Variants in ADAM9 observed in about 807,000 individuals in gnomAD.
ADAM9 encodes the protein disintegrin and metalloproteinase domain-containing protein 9.
Under a neutral mutation model 108.1 loss-of-function variants are expected in ADAM9, and 54 were observed. The observed-to-expected ratio is 0.50, with a 90% CI of 0.40 to 0.63. The LOEUF (loss-of-function observed/expected upper bound fraction) is 0.63, where lower values mean the gene tolerates loss of function less well. Ranked by LOEUF, ADAM9 falls within the 20% of genes least tolerant of loss-of-function variation. ADAM9 has a pLI of 0.00. For synonymous variants in ADAM9, 316 were observed against 336.0 expected, an observed-to-expected ratio of 0.94 and a Z score of 0.65; for missense variants, 830 against 997.7, an observed-to-expected ratio of 0.83 and a Z score of 2.26.
intron 12 of ADAM9, among the ~76,000 whole-genome samples, chr8:39,044,064 C>T (rs1391685599): frequency 6.6e-6 from 1 of 152,106 alleles, no homozygotes; most frequent in Non-Finnish European, 1.5e-5. Flanking sequence ...TGATTGCTTC[C>T]TATGCTGTGT....
At chr8:39,100,614 G>T (rs759327784) in intron 20 of ADAM9, among the ~76,000 whole-genome samples, 2 of 152,092 alleles carry the variant, frequency 1.3e-5, no homozygotes, top group East Asian at 3.9e-4. Context: ...GGAAAGGGAT[G>T]GAGACATTTT....
At position 39,104,210 on chromosome 8, in the gene ADAM9, C is replaced by CT. The variant is rs774830394; in HGVS notation, c.*511dup. 1 of 453,992 alleles carries CT rather than the reference C, an allele frequency of 2.2e-6. No individual in the cohort carries two copies. The allele number at this position is 453,992 out of a possible 1,614,324, so 28.1% of individuals were successfully genotyped here. On this transcript the variant is annotated 3_prime_UTR_variant, in exon 22 of 22. Transcript: ENST00000487273. ...TAATCATCATACTCTAGAATCTTGT[C>CT]TGTCACTCACTACATGAATAAGCAA...
rs1325201709 is a variant in ADAM9, at chr8:39,084,623, TTTA to T, written c.2068+1552_2068+1554del. 2.0e-5 allele frequency among the ~76,000 whole-genome samples: 3 copies of T among 151,888 alleles called. No individual in the cohort carries two copies. The East Asian group carries it at 5.8e-4, about 29-fold the overall frequency. On this transcript the variant is annotated intron_variant, in intron 18 of 21. Transcript: ENST00000487273. The stretch of plus-strand genomic sequence containing the variant: ...ACTTGTCTTGTAGCCCAGAATGTGG[TTTA>T]TCTTAGTAAAAGTTCTGTGTACACT...
intron 1 of ADAM9, among the ~76,000 whole-genome samples, chr8:39,000,483 ACAGG>A (rs1384977465): frequency 6.6e-6 from 1 of 151,414 alleles, no homozygotes; most frequent in Non-Finnish European, 1.5e-5. Context: ...TTTCTGAGAG[ACAGG>A]GTCTTGCTCT....
chr8:39,013,731 G>A (rs1425986064), intron 3 of ADAM9, among the ~76,000 whole-genome samples: 1 of 151,900 alleles, frequency 6.6e-6, no homozygotes. Context: ...CAAACTCCTG[G>A]CCTCAAGTGA....
At chr8:39,033,995 G>T (rs1399076061) in intron 11 of ADAM9, among the ~76,000 whole-genome samples, 1 of 152,050 alleles carries the variant, frequency 6.6e-6, no homozygotes, top group Non-Finnish European at 1.5e-5. Context: ...GTTAAAAATG[G>T]GACGACAACA....
intron 15 of ADAM9, among the ~76,000 whole-genome samples, chr8:39,074,154 A>G (rs1838783055): frequency 6.6e-6 from 1 of 152,156 alleles, no homozygotes; most frequent in South Asian, 2.1e-4. Context: ...AGTCTTTTCT[A>G]CCCATTGAAA....
intron 19 of ADAM9, among the ~76,000 whole-genome samples, chr8:39,090,837 G>T (rs184237903): frequency 6.6e-6 from 1 of 152,252 alleles, no homozygotes; most frequent in East Asian, 1.9e-4. Flanking sequence ...GCACTGATTT[G>T]CTGTCACTTC....
Position 39,036,246 on chromosome 8 carries a change from T to A in ADAM9, c.1131-5700T>A, listed in dbSNP as rs186682035. On this transcript the variant is annotated intron_variant, in intron 11 of 21. Coordinates refer to ENST00000487273, the MANE Select transcript of ADAM9 (RefSeq NM_003816.3). ...AGTTGCTCTTCCTGGGAGGTGCCTT[T>A]CTAGAAAAATGGCTTTCTTAACTCT... 3.9e-5 allele frequency among the ~76,000 whole-genome samples: 6 copies of A among 152,280 alleles called. 2 individuals carry two copies. Among genetic ancestry groups the A allele is most frequent in the Admixed American group, 3.9e-4 (6 of 15,294 alleles).
intron 16 of ADAM9, among the ~76,000 whole-genome samples, chr8:39,079,824 ATCTG>A (rs1838964749): frequency 6.6e-6 from 1 of 152,204 alleles, no homozygotes; most frequent in South Asian, 2.1e-4. Context: ...ACCTCAAGTG[ATCTG>A]CCTGCCTTGG....
chr8:39,040,625 T>C (rs1021068362), intron 11 of ADAM9, among the ~76,000 whole-genome samples: 3 of 152,222 alleles, frequency 2.0e-5, no homozygotes, highest in East Asian at 3.8e-4. Context: ...AGATATGTGG[T>C]TTGCAGATAT....
intron 11 of ADAM9, among the ~76,000 whole-genome samples, chr8:39,035,973 C>G (rs1410933886): frequency 6.6e-6 from 1 of 151,796 alleles, no homozygotes; most frequent in Non-Finnish European, 1.5e-5. Flanking sequence ...GGCATATTTC[C>G]TACCCTCTAC....
chr8:39,032,564 G>T (rs538060114), intron 11 of ADAM9, among the ~76,000 whole-genome samples: 1 of 152,244 alleles, frequency 6.6e-6, no homozygotes, highest in African/African-American at 2.4e-5. Context: ...AATTTTCCAG[G>T]TACAGTCTGT....
At chr8:39,000,247 C>G (rs1035890813) in intron 1 of ADAM9, among the ~76,000 whole-genome samples, 4 of 152,170 alleles carry the variant, frequency 2.6e-5, no homozygotes, top group African/African-American at 9.7e-5. Context: ...CCACCTCAGC[C>G]TCCCAAAGCG....
At chr8:39,101,392 C>T (rs985922369) in intron 20 of ADAM9, among the ~76,000 whole-genome samples, 1 of 152,090 alleles carries the variant, frequency 6.6e-6, no homozygotes, top group Non-Finnish European at 1.5e-5. Flanking sequence ...CTGTTTAGTA[C>T]TTATATGTGA....
chr8:39,074,903 CTTTTTT>C (rs1178180888), intron 15 of ADAM9, among the ~76,000 whole-genome samples: 4 of 113,126 alleles, frequency 3.5e-5, no homozygotes, highest in South Asian at 3.0e-4. Flanking sequence ...AGCCCAAAAT[CTTTTTT>C]TTTTTTTTTT....
chr8:39,045,496 ATACATATGTGTGTG>A (rs1454604073), intron 12 of ADAM9, among the ~76,000 whole-genome samples: 3 of 22,904 alleles, frequency 1.3e-4, no homozygotes, highest in Non-Finnish European at 2.7e-4. Flanking sequence ...GTGCGTGTGT[ATACATATGTGTGTG>A]TACATACATA....
chr8:39,033,770 G>A (rs189283155), intron 11 of ADAM9, among the ~76,000 whole-genome samples: 2 of 152,188 alleles, frequency 1.3e-5, no homozygotes, highest in Non-Finnish European at 2.9e-5. Flanking sequence ...GAAAGAATGT[G>A]TTTTAGAATC....
chr8:39,016,237 G>A (rs764556956), intron 5 of ADAM9, 43 bp downstream of exon 5: 1 of 1,506,480 alleles, frequency 6.6e-7, no homozygotes, highest in Non-Finnish European at 9.2e-7. Flanking sequence ...TTTCCCCTAT[G>A]TCTTACCCTC....
Sources: gnomAD v4.1 joint callset for allele counts (sites outside exome capture counted in the v4.1 genomes callset) on GRCh38, gnomAD v4.1.1 for gene constraint, MANE v1.5 for transcripts, NCBI Gene and HGNC (gene_info 2026-07-23, HGNC 2026-07-21) for gene names.